ARHGAP31: variants seen among roughly 807,000 people sequenced by gnomAD.
The protein encoded by ARHGAP31 is rho GTPase-activating protein 31.
Under a neutral mutation model 113.9 loss-of-function variants are expected in ARHGAP31, and 34 were observed. That is an observed-to-expected ratio of 0.30 (90% confidence interval 0.23 to 0.40). The LOEUF (loss-of-function observed/expected upper bound fraction) is 0.40. Among genes scored for constraint, ARHGAP31 ranks in the 10% least tolerant of loss-of-function variants. The pLI is 1.00. For missense variants in ARHGAP31, 1,548 were observed against 1,767.1 expected, an observed-to-expected ratio of 0.88 and a Z score of 2.22; for synonymous variants, 650 against 684.8, an observed-to-expected ratio of 0.95 and a Z score of 0.79.
chr3:119,409,186 C>CA (rs1301474811), intron 10 of ARHGAP31, among the ~76,000 whole-genome samples: 1 of 151,862 alleles, frequency 6.6e-6, no homozygotes, highest in Non-Finnish European at 1.5e-5. Context: ...TTGTGGCAAC[C>CA]AAAAAAATGT....
chr3:119,297,227 T>C (rs938658609), intron 1 of ARHGAP31, among the ~76,000 whole-genome samples: 3 of 152,258 alleles, frequency 2.0e-5, no homozygotes, highest in Non-Finnish European at 2.9e-5. Flanking sequence ...GTAGCATCAA[T>C]GAACAAAGTC....
chr3:119,402,512 C>CACAG, intron 10 of ARHGAP31, 115 bp downstream of exon 10: 5 of 1,139,394 alleles, frequency 4.4e-6, no homozygotes, highest in Non-Finnish European at 6.4e-6. Flanking sequence ...CTCTAGAGCC[C>CACAG]GATTGGGTAC....
chr3:119,294,800 C>G lies in ARHGAP31; in HGVS notation c.-105C>G, dbSNP rs886057797. On this transcript the variant is annotated 5_prime_UTR_variant, in exon 1 of 12. Coordinates refer to ENST00000264245, the MANE Select transcript of ARHGAP31 (RefSeq NM_020754.4). ...TTCTTCCATCTTCCGATGCGGCCCCCCAGAGCCGCGGGGCAGCCGGTGATC... is the reference window on the plus strand; with the variant it reads ...TTCTTCCATCTTCCGATGCGGCCCCGCAGAGCCGCGGGGCAGCCGGTGATC... 2 of 1,104,122 alleles carry G rather than the reference C, an allele frequency of 1.8e-6. No individual in the cohort carries two copies. Among genetic ancestry groups the G allele is most frequent in the Non-Finnish European group, 1.4e-6 (1 of 724,208 alleles). 68.4% of individuals were successfully genotyped at this position (1,104,122 alleles called of 1,614,324 possible).
At chr3:119,301,567 G>A (rs1305606409) in intron 1 of ARHGAP31, among the ~76,000 whole-genome samples, 2 of 152,226 alleles carry the variant, frequency 1.3e-5, no homozygotes, top group East Asian at 3.8e-4. Flanking sequence ...GTGGAAGCAG[G>A]TGTGAGGGGA....
rs201028277 is a variant in ARHGAP31, at chr3:119,414,214, A to G, written c.2285A>G (p.Lys762Arg). ...LAPLEIVPFE[K>R]ASPQATVEVG... The stretch of plus-strand genomic sequence containing the variant: ...CCTCTGGAAATAGTTCCTTTTGAGA[A>G]GGCATCTCCACAAGCAACAGTGGAA... Residue 762 changes from lysine to arginine, a missense_variant, in exon 12 of 12, where the codon AAG becomes AGG. By Grantham distance (26) the Lys-to-Arg change is conservative (BLOSUM62 2). Coordinates refer to ENST00000264245, the MANE Select transcript of ARHGAP31 (RefSeq NM_020754.4). 6.8e-6 allele frequency: 11 copies of G among 1,614,216 alleles called. 1 individual carries two copies. In the South Asian group the frequency reaches 1.1e-4, roughly 16 times the overall value.
intron 1 of ARHGAP31, among the ~76,000 whole-genome samples, chr3:119,304,591 A>G (rs11914541): frequency 0.35 from 53,689 of 152,016 alleles, 11,760 homozygotes; most frequent in African/African-American, 0.62. Context: ...GACTGGCTGC[A>G]GTGACAGAAG....
chr3:119,407,163 T>G (rs1040476557), intron 10 of ARHGAP31, among the ~76,000 whole-genome samples: 1 of 151,846 alleles, frequency 6.6e-6, no homozygotes, highest in Non-Finnish European at 1.5e-5. Context: ...CTGGCAAACA[T>G]GATGAAACCC....
chr3:119,391,596 C>A (rs1195463462), intron 7 of ARHGAP31, among the ~76,000 whole-genome samples: 5 of 95,300 alleles, frequency 5.2e-5, no homozygotes, highest in Non-Finnish European at 6.3e-5. Flanking sequence ...TCTACCCCCC[C>A]CTCCCCCCCG....
intron 3 of ARHGAP31, among the ~76,000 whole-genome samples, chr3:119,375,070 G>A (rs1221861313): frequency 1.3e-5 from 2 of 152,062 alleles, no homozygotes; most frequent in African/African-American, 4.8e-5. Context: ...TTATTTCTGG[G>A]TGATGTGATA....
intron 1 of ARHGAP31, among the ~76,000 whole-genome samples, chr3:119,324,554 A>T (rs1195760409): frequency 2.0e-5 from 3 of 152,246 alleles, no homozygotes; most frequent in Non-Finnish European, 4.4e-5. Context: ...CTTGGGTACC[A>T]TTGCTGTATT....
chr3:119,380,776 T>C (rs1313624541), intron 3 of ARHGAP31, 128 bp from the exon 4 acceptor site: 1 of 793,586 alleles, frequency 1.3e-6, no homozygotes, highest in Non-Finnish European at 2.2e-6. Flanking sequence ...AAAGCATGCC[T>C]CTTGGAAGGA....
chr3:119,295,452 C>CT (rs1050750908), intron 1 of ARHGAP31, among the ~76,000 whole-genome samples: 2 of 126,962 alleles, frequency 1.6e-5, no homozygotes, highest in African/African-American at 6.2e-5. Context: ...CTGCTCACAT[C>CT]TTTTTTTATT....
At chr3:119,326,801 C>G (rs563551114) in intron 1 of ARHGAP31, among the ~76,000 whole-genome samples, 16 of 152,284 alleles carry the variant, frequency 1.1e-4, no homozygotes, top group African/African-American at 3.6e-4. Flanking sequence ...TATGTTCTGA[C>G]AGATACTTAC....
At chr3:119,393,343 G>T (rs889194901) in intron 7 of ARHGAP31, 124 bp from the exon 8 acceptor site, 4 of 1,298,402 alleles carry the variant, frequency 3.1e-6, no homozygotes, top group Non-Finnish European at 3.3e-6. Flanking sequence ...TTTTAGAGGG[G>T]AATTTCTTGA....
chr3:119,309,231 A>G (rs2079657162), intron 1 of ARHGAP31, among the ~76,000 whole-genome samples: 2 of 152,214 alleles, frequency 1.3e-5, no homozygotes, highest in Admixed American at 6.5e-5. Context: ...AAAGCCCTGT[A>G]TGTGAGGGTT....
Position 119,419,056 on chromosome 3 carries a change from T to A in ARHGAP31, c.*2792T>A, listed in dbSNP as rs1295267431. ...TGGGATTACCTATTTCACCACTCAT[T>A]TGAGTCTCCGAAAAATGAACTCCCT... On this transcript the variant is annotated 3_prime_UTR_variant, in exon 12 of 12. Transcript: ENST00000264245. The A allele has an allele frequency of 6.6e-6, 1 of 151,962 alleles. No homozygotes were observed. Among genetic ancestry groups the A allele is most frequent in the Non-Finnish European group, 1.5e-5 (1 of 68,026 alleles). The allele number at this position is 151,962 out of a possible 1,614,324, so 9.4% of individuals were successfully genotyped here.
Position 119,374,093 on chromosome 3 carries a change from A to G in ARHGAP31, c.348+5577A>G, listed in dbSNP as rs79875799. On this transcript the variant is annotated intron_variant, in intron 3 of 11. Transcript: ENST00000264245. ...GTTTTGAAAAATGTTTACTGACCAT[A>G]TGATATGGTTTGGAGGCTTGTCCCC... 4.0e-3 allele frequency among the ~76,000 whole-genome samples: 603 copies of G among 152,308 alleles called. 3 individuals carry two copies. The highest frequency in any genetic ancestry group is 0.014 in the African/African-American group (584 of 41,560).
At chr3:119,326,219 A>T (rs113618968) in intron 1 of ARHGAP31, among the ~76,000 whole-genome samples, 30 of 152,120 alleles carry the variant, frequency 2.0e-4, no homozygotes, top group Admixed American at 3.9e-4. Context: ...ATAATAATAA[A>T]AAGATTCCCA....
chr3:119,359,334 T>C (rs1274131721), intron 1 of ARHGAP31, among the ~76,000 whole-genome samples: 1 of 152,032 alleles, frequency 6.6e-6, no homozygotes, highest in East Asian at 1.9e-4. Flanking sequence ...ATCTCAGGTT[T>C]AAAAAGAAAA....
Sources: gnomAD v4.1 joint callset for allele counts (sites outside exome capture counted in the v4.1 genomes callset) on GRCh38, gnomAD v4.1.1 for gene constraint, MANE v1.5 for transcripts, NCBI Gene and HGNC (gene_info 2026-07-23, HGNC 2026-07-21) for gene names.